The following HMBOX1 variants were observed in gnomAD, a reference collection of about 807,000 sequenced individuals.
HMBOX1 encodes the protein homeobox-containing protein 1.
In HMBOX1, 14 loss-of-function variants were observed where a neutral mutation model predicts 54.5. The ratio of observed to expected loss-of-function variants is 0.26; its 90% CI spans 0.17 to 0.40. The LOEUF (loss-of-function observed/expected upper bound fraction) is 0.40, where lower values mean the gene tolerates loss of function less well. Among genes scored for constraint, HMBOX1 ranks in the 10% least tolerant of loss-of-function variants. HMBOX1 has a pLI of 1.00. For missense variants in HMBOX1, 332 were observed against 514.4 expected (o/e 0.65, Z 3.43); for synonymous variants, 160 against 181.0 (o/e 0.88, Z 0.93).
At chr8:28,944,728 T>G (rs1464185277) in intron 1 of HMBOX1, among the ~76,000 whole-genome samples, 1 of 152,208 alleles carries the variant, frequency 6.6e-6, no homozygotes, top group Non-Finnish European at 1.5e-5. Context: ...TCAAAAGTGA[T>G]TACACAGCTA....
chr8:28,902,575 G>T (rs1301534012), intron 1 of HMBOX1, among the ~76,000 whole-genome samples: 1 of 152,112 alleles, frequency 6.6e-6, no homozygotes, highest in Non-Finnish European at 1.5e-5. Flanking sequence ...TGTCTCCTTA[G>T]GCATCTCCCT....
chr8:29,023,194 A>G (rs1286228090), intron 6 of HMBOX1, among the ~76,000 whole-genome samples: 1 of 152,240 alleles, frequency 6.6e-6, no homozygotes, highest in Non-Finnish European at 1.5e-5. Context: ...TTGTCAGTGC[A>G]AAGGAAAAGA....
At chr8:28,946,193 T>TG (rs1822420760) in intron 1 of HMBOX1, among the ~76,000 whole-genome samples, 1 of 151,790 alleles carries the variant, frequency 6.6e-6, no homozygotes, top group South Asian at 2.1e-4. Context: ...CCTCAGGTGA[T>TG]CCACCCGCCT....
At chr8:28,905,181 T>C (rs989401727) in intron 1 of HMBOX1, among the ~76,000 whole-genome samples, 2 of 152,206 alleles carry the variant, frequency 1.3e-5, no homozygotes, top group South Asian at 2.1e-4. Context: ...GTTGGTTAAT[T>C]GGAGGCTGAG....
chr8:28,982,828 C>T lies in HMBOX1; in HGVS notation c.586+2672C>T, dbSNP rs187423909. Among the ~76,000 whole-genome samples the T allele has an allele frequency of 4.5e-3, 682 of 152,088 alleles. 2 individuals carry two copies. Among genetic ancestry groups the T allele is most frequent in the Non-Finnish European group, 5.8e-3 (396 of 67,968 alleles). ...TGTGGTAGGCGGGGTTTCACCATAT[C>T]GGCCAGGCTGGTGTCGAACTCCTGA... On this transcript the variant is annotated intron_variant, in intron 4 of 9. Transcript: ENST00000287701.
chr8:29,032,936 A>G (rs1373632313), intron 6 of HMBOX1, among the ~76,000 whole-genome samples: 1 of 152,192 alleles, frequency 6.6e-6, no homozygotes. Context: ...AATAATAATC[A>G]AAAGATTTAA....
chr8:28,990,860 G>A (rs1586320396), intron 4 of HMBOX1, among the ~76,000 whole-genome samples: 2 of 152,126 alleles, frequency 1.3e-5, no homozygotes, highest in South Asian at 4.2e-4. Context: ...CAACATGTTG[G>A]CCAGGCTGGT....
chr8:29,028,781 A>G (rs1321725706), intron 6 of HMBOX1, among the ~76,000 whole-genome samples: 1 of 152,208 alleles, frequency 6.6e-6, no homozygotes, highest in Admixed American at 6.5e-5. Context: ...TAATGACAAA[A>G]GAGACTCATA....
chr8:28,911,504 T>A (rs1429891521), intron 1 of HMBOX1, among the ~76,000 whole-genome samples: 1 of 152,088 alleles, frequency 6.6e-6, no homozygotes, highest in Non-Finnish European at 1.5e-5. Flanking sequence ...TACAAGTGCC[T>A]GCCACCATGC....
At chr8:28,942,889 G>C (rs1233687616) in intron 1 of HMBOX1, among the ~76,000 whole-genome samples, 1 of 152,134 alleles carries the variant, frequency 6.6e-6, no homozygotes, top group Admixed American at 6.6e-5. Context: ...GAATTGCTAG[G>C]TTAAAAGTTG....
chr8:28,935,385 A>T (rs558215868), intron 1 of HMBOX1, among the ~76,000 whole-genome samples: 1 of 152,350 alleles, frequency 6.6e-6, no homozygotes, highest in African/African-American at 2.4e-5. Flanking sequence ...AGTTGAACAG[A>T]ATAGAGACTG....
intron 6 of HMBOX1, among the ~76,000 whole-genome samples, chr8:29,033,364 A>C (rs1232918140): frequency 6.6e-6 from 1 of 152,214 alleles, no homozygotes; most frequent in South Asian, 2.1e-4. Context: ...TCTCTCTACA[A>C]ATAGAAGGCA....
intron 1 of HMBOX1, among the ~76,000 whole-genome samples, chr8:28,897,477 C>T (rs1366471718): frequency 6.6e-6 from 1 of 152,056 alleles, no homozygotes; most frequent in Non-Finnish European, 1.5e-5. Flanking sequence ...GAGTTCAAGA[C>T]CAGCCTGACC....
At chr8:28,902,751 T>C (rs1813468831) in intron 1 of HMBOX1, among the ~76,000 whole-genome samples, 2 of 127,220 alleles carry the variant, frequency 1.6e-5, no homozygotes, top group Middle Eastern at 3.9e-3. Flanking sequence ...AGCATTCTAC[T>C]CACGAAGGCA....
At chr8:28,960,648 G>A in intron 1 of HMBOX1, among the ~76,000 whole-genome samples, 1 of 148,486 alleles carries the variant, frequency 6.7e-6, no homozygotes. Context: ...AAGTAGTTAT[G>A]ATTTTTGCTT....
chr8:28,963,595 T>G (rs1192095507), intron 1 of HMBOX1, among the ~76,000 whole-genome samples: 1 of 152,222 alleles, frequency 6.6e-6, no homozygotes, highest in Non-Finnish European at 1.5e-5. Context: ...TTCTAAACAA[T>G]GAATAGTAGA....
chr8:28,930,008 C>G (rs75392889), intron 1 of HMBOX1, among the ~76,000 whole-genome samples: 4,631 of 143,296 alleles, frequency 0.032, 252 homozygotes, highest in African/African-American at 0.11. Flanking sequence ...CATCAGCAGT[C>G]TTTTTGAGAA....
intron 1 of HMBOX1, among the ~76,000 whole-genome samples, chr8:28,895,180 T>C (rs1380506446): frequency 6.6e-6 from 1 of 152,236 alleles, no homozygotes; most frequent in Non-Finnish European, 1.5e-5. Context: ...TTTGTTTATC[T>C]TATGTCCAGA....
chr8:29,003,474 AAAC>A (rs1324046026), intron 4 of HMBOX1, among the ~76,000 whole-genome samples: 4 of 121,044 alleles, frequency 3.3e-5, no homozygotes, highest in African/African-American at 9.5e-5. Flanking sequence ...TATGTTTTTA[AAAC>A]AACTGGTTGT....
Sources: allele counts gnomAD v4.1 joint callset (sites outside exome capture counted in the v4.1 genomes callset), GRCh38; gene constraint gnomAD v4.1.1; transcripts MANE v1.5; gene names NCBI Gene and HGNC (gene_info 2026-07-23, HGNC 2026-07-21).